NRG1: variants seen among roughly 807,000 people sequenced by gnomAD.
The protein encoded by NRG1 is neuregulin 1, also known as pro-neuregulin-1, membrane-bound isoform.
Under a neutral mutation model 63.8 loss-of-function variants are expected in NRG1, and 18 were observed. The observed-to-expected ratio is 0.28, with a 90% CI of 0.19 to 0.42. NRG1 has a LOEUF of 0.42. Among genes scored for constraint, NRG1 ranks in the 10% least tolerant of loss-of-function variants. The probability of loss-of-function intolerance (pLI) is 1.00; values close to 1 mark genes in which losing one functional copy is unlikely to be tolerated. For missense variants in NRG1, 762 were observed against 814.7 expected, an observed-to-expected ratio of 0.94 and a Z score of 0.79; for synonymous variants, 302 against 301.3, an observed-to-expected ratio of 1.00 and a Z score of -0.02.
At chr8:31,873,644 G>A (rs1165097244) in intron 1 of NRG1, among the ~76,000 whole-genome samples, 1 of 152,196 alleles carries the variant, frequency 6.6e-6, no homozygotes, top group Non-Finnish European at 1.5e-5. Context: ...CAAGAATGCT[G>A]ACATTTGTTT....
At chr8:32,282,653 TA>T (rs1853010449) in intron 1 of NRG1, among the ~76,000 whole-genome samples, 2 of 152,210 alleles carry the variant, frequency 1.3e-5, no homozygotes, top group African/African-American at 4.8e-5. Context: ...ATTATTTGGG[TA>T]AAAATGTTTT....
At chr8:32,207,823 C>T (rs561885140) in intron 1 of NRG1, among the ~76,000 whole-genome samples, 53 of 152,202 alleles carry the variant, frequency 3.5e-4, no homozygotes, top group Non-Finnish European at 6.0e-4. Flanking sequence ...GAGCAACTCA[C>T]ATCTCTAGCC....
chr8:32,333,134 A>C (rs1249841634), intron 1 of NRG1, among the ~76,000 whole-genome samples: 1 of 152,224 alleles, frequency 6.6e-6, no homozygotes, highest in African/African-American at 2.4e-5. Flanking sequence ...CCAAAAAGAC[A>C]GGTTAAAAAT....
intron 7 of NRG1, among the ~76,000 whole-genome samples, chr8:32,752,939 C>T (rs1450507613): frequency 6.6e-6 from 1 of 152,128 alleles, no homozygotes; most frequent in Non-Finnish European, 1.5e-5. Flanking sequence ...TGTTTTGTTT[C>T]ATGATAAGGT....
chr8:32,446,596 A>G (rs1820273478), intron 1 of NRG1, among the ~76,000 whole-genome samples: 1 of 152,120 alleles, frequency 6.6e-6, no homozygotes, highest in South Asian at 2.1e-4. Flanking sequence ...TGGAGATTGC[A>G]GTGAGCCAAG....
In NRG1 at chr8:31,675,173, T is replaced by A. The variant is rs182034692; in HGVS notation, c.37+35742T>A. Among the ~76,000 whole-genome samples, 11 of 152,248 alleles carry A rather than the reference T, an allele frequency of 7.2e-5. No individual in the cohort carries two copies. In the East Asian group the frequency reaches 2.1e-3, roughly 29 times the overall value. On this transcript the variant is annotated intron_variant, in intron 1 of 10. Coordinates refer to the NRG1 transcript ENST00000519301. ...GCCTGGCCCACATGGTGAAACCCCATCTCTATTAAAAATACAAAATTAGCT... is the reference window on the plus strand; with the variant it reads ...GCCTGGCCCACATGGTGAAACCCCAACTCTATTAAAAATACAAAATTAGCT...
chr8:32,151,670 C>A (rs2131830509), intron 1 of NRG1, among the ~76,000 whole-genome samples: 1 of 152,272 alleles, frequency 6.6e-6, no homozygotes, highest in Admixed American at 6.5e-5. Context: ...CCAGATGACG[C>A]AGCTGGAAGC....
chr8:31,851,468 A>G (rs949130543), intron 1 of NRG1, among the ~76,000 whole-genome samples: 10 of 152,214 alleles, frequency 6.6e-5, no homozygotes, highest in Non-Finnish European at 1.0e-4. Flanking sequence ...TGATATAATT[A>G]GAAGTGTCGA....
At chr8:31,864,829 G>A (rs1210142503) in intron 1 of NRG1, among the ~76,000 whole-genome samples, 1 of 152,146 alleles carries the variant, frequency 6.6e-6, no homozygotes, top group African/African-American at 2.4e-5. Flanking sequence ...TTGATGGACT[G>A]AGCAGATAGG....
chr8:32,306,605 T>C (rs1856212387), intron 1 of NRG1, among the ~76,000 whole-genome samples: 1 of 152,210 alleles, frequency 6.6e-6, no homozygotes. Context: ...CATTATATGA[T>C]GCTTTCTCCC....
chr8:32,534,366 T>C (rs1461356334), intron 1 of NRG1, among the ~76,000 whole-genome samples: 2 of 152,182 alleles, frequency 1.3e-5, no homozygotes, highest in Non-Finnish European at 2.9e-5. Flanking sequence ...ACTATGTTTA[T>C]AGACTCCTTC....
intron 1 of NRG1, among the ~76,000 whole-genome samples, chr8:32,106,293 C>G (rs754992161): frequency 1.3e-5 from 2 of 152,166 alleles, no homozygotes; most frequent in Non-Finnish European, 2.9e-5. Context: ...AGCATCCAGA[C>G]AGCTTGTGCA....
intron 1 of NRG1, among the ~76,000 whole-genome samples, chr8:31,840,890 T>G (rs1826138652): frequency 6.6e-6 from 1 of 151,320 alleles, no homozygotes; most frequent in East Asian, 1.9e-4. Flanking sequence ...TACAGCCAAG[T>G]TTTTTTTTAG....
chr8:32,329,603 G>C (rs1385262643), intron 1 of NRG1, among the ~76,000 whole-genome samples: 1 of 152,162 alleles, frequency 6.6e-6, no homozygotes, highest in Non-Finnish European at 1.5e-5. Context: ...GTTCGTCACT[G>C]CTGTTGTGGA....
chr8:32,180,220 A>G (rs1284463725), intron 1 of NRG1, among the ~76,000 whole-genome samples: 1 of 152,084 alleles, frequency 6.6e-6, no homozygotes. Context: ...TCTCTTACAC[A>G]TCTCATTCTC....
intron 1 of NRG1, among the ~76,000 whole-genome samples, chr8:32,084,197 A>G (rs945217384): frequency 6.6e-6 from 1 of 152,226 alleles, no homozygotes; most frequent in Non-Finnish European, 1.5e-5. Context: ...TGCCACTTAC[A>G]TGGGATAACT....
At chr8:32,330,154 TG>T (rs1463071826) in intron 1 of NRG1, among the ~76,000 whole-genome samples, 1 of 149,032 alleles carries the variant, frequency 6.7e-6, no homozygotes, top group African/African-American at 2.5e-5. Context: ...CTGCCTTACC[TG>T]GGATTACAGG....
At chr8:32,769,797 C>T (rs896833953), downstream of NRG1, among the ~76,000 whole-genome samples, 8 of 152,036 alleles carry the variant, frequency 5.3e-5, no homozygotes, top group African/African-American at 1.9e-4. Context: ...GTGGTCATGC[C>T]CTCCCCTGCA....
intron 5 of NRG1, among the ~76,000 whole-genome samples, chr8:32,692,869 A>G (rs1268144720): frequency 4.6e-5 from 7 of 152,150 alleles, no homozygotes; most frequent in Non-Finnish European, 5.9e-5. Context: ...GAGATGGCCA[A>G]GTATGGAATT....
Sources: gnomAD v4.1 joint callset for allele counts (sites outside exome capture counted in the v4.1 genomes callset) on GRCh38, gnomAD v4.1.1 for gene constraint, MANE v1.5 for transcripts, NCBI Gene and HGNC (gene_info 2026-07-23, HGNC 2026-07-21) for gene names.